OGT: variants seen among roughly 807,000 people sequenced by gnomAD.
OGT encodes O-linked N-acetylglucosamine (GlcNAc) transferase.
Under a neutral mutation model 75.8 loss-of-function variants are expected in OGT, and 3 were observed. The ratio of observed to expected loss-of-function variants is 0.04; its 90% CI spans 0.02 to 0.10. The LOEUF (loss-of-function observed/expected upper bound fraction) is 0.10. Ranked by LOEUF, OGT falls within the 10% of genes least tolerant of loss-of-function variation. The probability of loss-of-function intolerance (pLI) is 1.00; values close to 1 mark genes in which losing one functional copy is unlikely to be tolerated. For synonymous variants in OGT, 257 were observed against 289.7 expected (o/e 0.89, Z 1.15); for missense variants, 260 against 824.4 (o/e 0.32, Z 8.38).
At chrX:71,534,160 C>A (rs911332908) in intron 1 of OGT, 1 of 111,060 alleles carries the variant, frequency 9.0e-6, no homozygotes, top group Non-Finnish European at 1.9e-5. Context: ...CCCTGCCCGC[C>A]CAATTCTCGC....
At chrX:71,556,240 G>A in intron 8 of OGT, 146 bp downstream of exon 8, 1 of 618,856 alleles carries the variant, frequency 1.6e-6, no homozygotes, top group Non-Finnish European at 2.4e-6. Context: ...AGTACCTAAG[G>A]TATGATGTGA....
intron 14 of OGT, 34 bp from the exon 15 acceptor site, chrX:71,561,741 T>G (rs1187183131): frequency 8.8e-7 from 1 of 1,129,987 alleles, no homozygotes; most frequent in Admixed American, 2.7e-5. Context: ...GATCTGAGAT[T>G]ATACATAGTG....
chrX:71,550,200 A>G (rs777995951), intron 5 of OGT, among the ~76,000 whole-genome samples: 28 of 112,029 alleles, frequency 2.5e-4, no homozygotes, highest in South Asian at 1.1e-3. Flanking sequence ...TACTTCCCCC[A>G]TCAGTTACAA....
intron 4 of OGT, chrX:71,545,794 TG>T (rs1267330200): frequency 8.9e-6 from 1 of 112,606 alleles, no homozygotes; most frequent in Non-Finnish European, 1.9e-5. Context: ...TAAATCTAAT[TG>T]GTAATTTATA....
At chrX:71,536,473 G>T in intron 2 of OGT, 115 bp downstream of exon 2, 1 of 564,250 alleles carries the variant, frequency 1.8e-6, no homozygotes. Context: ...CAACTGAGCC[G>T]CCAACGCACA....
chrX:71,542,555 A>T (rs1189613595), intron 3 of OGT, among the ~76,000 whole-genome samples: 1 of 112,352 alleles, frequency 8.9e-6, no homozygotes, highest in Non-Finnish European at 1.9e-5. Flanking sequence ...CCAAGAGTTC[A>T]TAGAAACTAG....
intron 1 of OGT, among the ~76,000 whole-genome samples, chrX:71,533,642 G>A (rs2040151275): frequency 9.0e-6 from 1 of 110,994 alleles, no homozygotes; most frequent in African/African-American, 3.3e-5. Context: ...TTAGAATGTC[G>A]TGGAATGGAC....
intron 2 of OGT, chrX:71,537,034 TCTCGGCTCACTGCAA>T (rs1349331773): frequency 5.8e-6 from 1 of 173,891 alleles, no homozygotes; most frequent in Admixed American, 9.2e-5. Flanking sequence ...AGCGGCGCCA[TCTCGGCTCACTGCAA>T]CTCTGCCTCC....
intron 5 of OGT, among the ~76,000 whole-genome samples, chrX:71,552,939 C>T (rs1419738137): frequency 9.0e-6 from 1 of 111,213 alleles, no homozygotes; most frequent in Admixed American, 9.5e-5. Flanking sequence ...GAGACTTGGA[C>T]GTAATGTTCC....
At chrX:71,539,840 A>G (rs954608020) in intron 3 of OGT, among the ~76,000 whole-genome samples, 1 of 111,418 alleles carries the variant, frequency 9.0e-6, no homozygotes, top group Non-Finnish European at 1.9e-5. Flanking sequence ...GGTTCTTGCC[A>G]TCTTTAACTC....
At chrX:71,563,642 T>C in intron 18 of OGT, 143 bp downstream of exon 18, 1 of 456,061 alleles carries the variant, frequency 2.2e-6, no homozygotes, top group Non-Finnish European at 3.6e-6. Context: ...GTGCATCTTA[T>C]ATAGGTGTGT....
intron 5 of OGT, among the ~76,000 whole-genome samples, chrX:71,551,437 G>T (rs2040303236): frequency 8.9e-6 from 1 of 112,054 alleles, no homozygotes; most frequent in Admixed American, 9.4e-5. Flanking sequence ...TTCGAGACCA[G>T]CCTGGCCAAC....
At chrX:71,543,750 G>C (rs2040237889) in intron 3 of OGT, among the ~76,000 whole-genome samples, 1 of 62,295 alleles carries the variant, frequency 1.6e-5, no homozygotes, top group Non-Finnish European at 2.4e-5. Flanking sequence ...GTGTGTGTGT[G>C]TGTGTGTGTG....
chrX:71,556,525 G>A (rs1199148516), intron 8 of OGT, 155 bp from the exon 9 acceptor site: 10 of 394,839 alleles, frequency 2.5e-5, no homozygotes, highest in Non-Finnish European at 4.4e-5. Flanking sequence ...TAAAATAGAG[G>A]AAGAGGTAGA....
chrX:71,541,564 T>C (rs970822244), intron 3 of OGT, among the ~76,000 whole-genome samples: 14 of 111,462 alleles, frequency 1.3e-4, no homozygotes, highest in African/African-American at 4.6e-4. Flanking sequence ...ATCAGAAGAT[T>C]TCCTCGAGTG....
intron 6 of OGT, 59 bp downstream of exon 6, chrX:71,554,651 A>G: frequency 1.1e-6 from 1 of 917,006 alleles, no homozygotes; most frequent in Non-Finnish European, 1.6e-6. Flanking sequence ...GACACTTGAC[A>G]GTTTGGACCG....
chrX:71,556,919 T>C (rs763641350), intron 9 of OGT, 33 bp from the exon 10 acceptor site: 12 of 1,187,075 alleles, frequency 1.0e-5, no homozygotes, highest in Middle Eastern at 4.6e-4. Context: ...GATTTTTGTA[T>C]TGGAGAAATA....
chrX:71,569,759 G>A (rs1336250548), intron 21 of OGT, among the ~76,000 whole-genome samples: 5 of 108,109 alleles, frequency 4.6e-5, no homozygotes, highest in South Asian at 8.0e-4. Flanking sequence ...TTTTCTGGAC[G>A]GAGTCTCGCT....
Position 71,548,099 on chromosome X carries a change from G to T in OGT, c.648+76G>T, listed in dbSNP as rs780068061. ...TGTTTTTACTAGAACTAAATAATAGGTCTTAGCCAGTGACATTATATCTTT... is the reference window on the plus strand; with the variant it reads ...TGTTTTTACTAGAACTAAATAATAGTTCTTAGCCAGTGACATTATATCTTT... On this transcript the variant is annotated intron_variant, in intron 5 of 21. Transcript: ENST00000373719. 4.2e-5 allele frequency: 40 copies of T among 956,386 alleles called. 1 individual carries two copies. In the African/African-American group the frequency reaches 7.2e-4, roughly 17 times the overall value. The allele number at this position is 956,386 out of a possible 1,213,427, so 78.8% of individuals were successfully genotyped here.
Sources: gnomAD v4.1 joint callset for allele counts (sites outside exome capture counted in the v4.1 genomes callset) on GRCh38, gnomAD v4.1.1 for gene constraint, MANE v1.5 for transcripts, NCBI Gene and HGNC (gene_info 2026-07-23, HGNC 2026-07-21) for gene names.